TMPRSS3: variants seen among roughly 807,000 people sequenced by gnomAD.
TMPRSS3 encodes the protein transmembrane protease serine 3.
Under a neutral mutation model 59.6 loss-of-function variants are expected in TMPRSS3, and 55 were observed. The ratio of observed to expected loss-of-function variants is 0.92; its 90% CI spans 0.74 to 1.16. TMPRSS3 has a LOEUF of 1.16. Ranked by LOEUF, TMPRSS3 falls within the 50% of genes most tolerant of loss-of-function variation. The pLI is 0.00. For synonymous variants in TMPRSS3, 257 were observed against 237.7 expected, an observed-to-expected ratio of 1.08 and a Z score of -0.75; for missense variants, 596 against 579.4, an observed-to-expected ratio of 1.03 and a Z score of -0.29.
intron 10 of TMPRSS3, among the ~76,000 whole-genome samples, chr21:42,378,740 C>T (rs2052471319): frequency 1.3e-5 from 2 of 152,080 alleles, no homozygotes; most frequent in African/African-American, 4.8e-5. Flanking sequence ...TTTTTAAACG[C>T]AAAGTCTCAC....
At chr21:42,387,371 A>AGTGTGTGTGT (rs59669731) in intron 5 of TMPRSS3, among the ~76,000 whole-genome samples, 26,572 of 147,002 alleles carry the variant, frequency 0.18, 2,465 homozygotes, top group East Asian at 0.27. Context: ...AGCTGTGTGC[A>AGTGTGTGTGT]GTGTGTGTGT....
At position 42,374,758 on chromosome 21, in the gene TMPRSS3, A is replaced by G. The variant is rs984792179; in HGVS notation, c.1344+958T>C. Among the ~76,000 whole-genome samples the G allele has an allele frequency of 4.5e-4, 68 of 152,116 alleles. 1 individual carries two copies. Among genetic ancestry groups the G allele is most frequent in the African/African-American group, 1.0e-3 (42 of 41,482 alleles). On this transcript the variant is annotated intron_variant, in intron 12 of 12. Coordinates refer to ENST00000644384, the MANE Select transcript of TMPRSS3 (RefSeq NM_001256317.3). ...TATATAAATTTCACTTGAATTAGGG[A>G]AAAAAAACGTACTTACTTTGACGTC...
At position 42,382,241 on chromosome 21, in the gene TMPRSS3, T is replaced by C. The variant is rs1352272031; in HGVS notation, c.783-7A>G. 4 of 1,613,782 alleles carry C rather than the reference T, an allele frequency of 2.5e-6. No individual in the cohort carries two copies. Among genetic ancestry groups the C allele is most frequent in the Non-Finnish European group, 3.4e-6 (4 of 1,179,814 alleles). On this transcript the variant is annotated splice_polypyrimidine_tract_variant and splice_region_variant and intron_variant, in intron 8 of 12. Coordinates refer to ENST00000644384, the MANE Select transcript of TMPRSS3 (RefSeq NM_001256317.3). ...TGACTTGGGGAGGTACAAGCTGAAA[T>C]GAGAAGAGCAAGAGGTGAAGCACAG... is the stretch of plus-strand genomic sequence containing the variant.
chr21:42,382,330 G>A, intron 8 of TMPRSS3, 96 bp from the exon 9 acceptor site: 1 of 1,123,602 alleles, frequency 8.9e-7, no homozygotes, highest in East Asian at 2.5e-5. Flanking sequence ...GATGGTGGGA[G>A]AGGTTATCAG....
chr21:42,383,167 G>T lies in TMPRSS3; in HGVS notation c.648C>A (p.Arg216=), dbSNP rs1430780343. 1.4e-5 allele frequency: 22 copies of T among 1,614,102 alleles called. No individual in the cohort carries two copies. Among genetic ancestry groups the T allele is most frequent in the Non-Finnish European group, 1.8e-5 (21 of 1,180,028 alleles). The part of the protein sequence containing the change: ...ACGHRRGYSS[R]IVGGNMSLLS... Reference sequence around the variant, plus strand: ...GCAAGGACATGTTTCCACCCACGATGCGTGAGCTGTAGCCCCTTCTATGAC... The same window carrying T: ...GCAAGGACATGTTTCCACCCACGATTCGTGAGCTGTAGCCCCTTCTATGAC... Residue 216 remains arginine (R), a synonymous_variant, in exon 8 of 13, where the codon CGC becomes CGA. Coordinates refer to ENST00000644384, the MANE Select transcript of TMPRSS3 (RefSeq NM_001256317.3).
intron 2 of TMPRSS3, among the ~76,000 whole-genome samples, chr21:42,394,508 T>G (rs1190752942): frequency 6.6e-6 from 1 of 152,202 alleles, no homozygotes; most frequent in Non-Finnish European, 1.5e-5. Context: ...TCATTGACAC[T>G]TAGCTAATTT....
At chr21:42,394,634 AG>A (rs1394319098) in intron 2 of TMPRSS3, among the ~76,000 whole-genome samples, 1 of 152,168 alleles carries the variant, frequency 6.6e-6, no homozygotes, top group African/African-American at 2.4e-5. Context: ...AGAAATCATT[AG>A]GGTGACCCCC....
chr21:42,372,797 G>A lies in TMPRSS3; in HGVS notation c.1345-18C>T. 1 of 1,613,968 alleles carries A rather than the reference G, an allele frequency of 6.2e-7. No individual in the cohort carries two copies. The highest frequency in any genetic ancestry group is 8.5e-7 in the Non-Finnish European group (1 of 1,179,898). ...AGGTCTCTCTATAAATGAAAACAAAGGCGTTATTGTTTTTAGCACTTCCAG... is the reference window on the plus strand; with the variant it reads ...AGGTCTCTCTATAAATGAAAACAAAAGCGTTATTGTTTTTAGCACTTCCAG... On this transcript the variant is annotated intron_variant, in intron 12 of 12. Coordinates refer to ENST00000644384, the MANE Select transcript of TMPRSS3 (RefSeq NM_001256317.3).
intron 5 of TMPRSS3, among the ~76,000 whole-genome samples, chr21:42,385,931 G>C (rs2052627750): frequency 6.6e-6 from 1 of 152,128 alleles, no homozygotes. Context: ...TTGTCGGGGG[G>C]CACCCAAGCA....
intron 8 of TMPRSS3, 99 bp from the exon 9 acceptor site, chr21:42,382,333 G>T: frequency 2.7e-6 from 3 of 1,093,832 alleles, no homozygotes; most frequent in Non-Finnish European, 2.7e-6. Flanking sequence ...GGTGGGAGAG[G>T]TTATCAGGCA....
chr21:42,381,252 C>T (rs550683183), intron 9 of TMPRSS3, among the ~76,000 whole-genome samples: 7 of 152,276 alleles, frequency 4.6e-5, no homozygotes, highest in African/African-American at 1.4e-4. Context: ...CTGGCATTTT[C>T]GTAATGTCCA....
intron 5 of TMPRSS3, among the ~76,000 whole-genome samples, chr21:42,385,938 A>G (rs969781338): frequency 1.3e-5 from 2 of 152,124 alleles, no homozygotes; most frequent in African/African-American, 4.8e-5. Context: ...GGGGCACCCA[A>G]GCAGGGACAC....
chr21:42,390,169 A>G, intron 2 of TMPRSS3, 132 bp from the exon 3 acceptor site: 1 of 766,660 alleles, frequency 1.3e-6, no homozygotes, highest in Non-Finnish European at 2.3e-6. Context: ...AGGTGCCTTA[A>G]TTAGGGAAAG....
intron 12 of TMPRSS3, among the ~76,000 whole-genome samples, chr21:42,375,041 A>C (rs1209871330): frequency 6.6e-6 from 1 of 151,986 alleles, no homozygotes; most frequent in Non-Finnish European, 1.5e-5. Flanking sequence ...CGGCGCCCAC[A>C]TGAGAAAGGC....
chr21:42,380,429 C>T (rs2839497), intron 9 of TMPRSS3, among the ~76,000 whole-genome samples: 8 of 151,964 alleles, frequency 5.3e-5, no homozygotes, highest in East Asian at 1.9e-4. Flanking sequence ...CCTCCACCGT[C>T]GCAGCGTGAG....
chr21:42,395,529 A>C lies in TMPRSS3; in HGVS notation c.-51-61T>G. On this transcript the variant is annotated intron_variant, in intron 1 of 12. Coordinates refer to ENST00000644384, the MANE Select transcript of TMPRSS3 (RefSeq NM_001256317.3). ...TATTTATACTTGTAGCATCAGGTGCATCTTGGTCATACGGTAAATCTTTGA... is the reference window on the plus strand; with the variant it reads ...TATTTATACTTGTAGCATCAGGTGCCTCTTGGTCATACGGTAAATCTTTGA... 7 of 925,540 alleles carry C rather than the reference A, an allele frequency of 7.6e-6. No individual in the cohort carries two copies. The South Asian group carries it at 8.3e-5, about 11-fold the overall frequency. 57.3% of individuals were successfully genotyped at this position (925,540 alleles called of 1,614,324 possible). A position where few individuals can be genotyped will look rare whatever the true frequency, so the allele number is the denominator to read the frequency against.
chr21:42,392,843 T>C (rs964009052), intron 2 of TMPRSS3, among the ~76,000 whole-genome samples: 4 of 152,240 alleles, frequency 2.6e-5, no homozygotes, highest in East Asian at 1.9e-4. Context: ...AAATCAAAGA[T>C]TGACATTTAA....
chr21:42,393,551 T>C (rs1362215733), intron 2 of TMPRSS3, among the ~76,000 whole-genome samples: 1 of 152,058 alleles, frequency 6.6e-6, no homozygotes, highest in Non-Finnish European at 1.5e-5. Flanking sequence ...CTTATAATAT[T>C]GATGCACAGG....
intron 2 of TMPRSS3, 95 bp downstream of exon 2, chr21:42,395,229 G>A: frequency 9.6e-7 from 1 of 1,045,586 alleles, no homozygotes. Flanking sequence ...AGAATGGCTG[G>A]GGAGATATTT....
Sources: allele counts gnomAD v4.1 joint callset (sites outside exome capture counted in the v4.1 genomes callset), GRCh38; gene constraint gnomAD v4.1.1; transcripts MANE v1.5; gene names NCBI Gene and HGNC (gene_info 2026-07-23, HGNC 2026-07-21).